SEC24A: variants seen among roughly 807,000 people sequenced by gnomAD.
SEC24A encodes protein transport protein Sec24A.
SEC24A carries 93 observed loss-of-function variants against 129.4 expected under a neutral mutation model. The observed-to-expected ratio is 0.72, with a 90% CI of 0.61 to 0.85. The LOEUF is 0.85. SEC24A is among the 40% of genes least tolerant of loss of function. The pLI is 0.00. For missense variants in SEC24A, 1,264 were observed against 1,307.4 expected (o/e 0.97, Z 0.51); for synonymous variants, 460 against 467.3 (o/e 0.98, Z 0.20).
chr5:134,693,830 C>G lies in SEC24A; in HGVS notation c.1883C>G (p.Ser628Cys), dbSNP rs1751737875. Residue 628 changes from serine (S) to cysteine (C), a missense_variant, in exon 13 of 23, where the codon TCT becomes TGT. Ser to Cys is a moderately radical substitution (Grantham distance 112). Transcript: ENST00000398844. The stretch of plus-strand genomic sequence containing the variant: ...CTGCAGGCTGCCTTTAAGCTGATGT[C>G]TCCAACTGGTGGTCGAATGTCTGTC... ...PALQAAFKLM[S>C]PTGGRMSVFQ... is the part of the protein sequence containing the mutation. 2 of 1,614,018 alleles carry G rather than the reference C, an allele frequency of 1.2e-6. No individual in the cohort carries two copies. The highest frequency in any genetic ancestry group is 1.7e-5 in the Admixed American group (1 of 59,980).
At chr5:134,658,212 A>G (rs1750317176) in intron 1 of SEC24A, among the ~76,000 whole-genome samples, 1 of 152,186 alleles carries the variant, frequency 6.6e-6, no homozygotes, top group Non-Finnish European at 1.5e-5. Context: ...CGGAGGTTGC[A>G]GTGAGCCGAG....
In SEC24A at chr5:134,661,513, T is replaced by TA; in HGVS notation, c.493dup (p.Thr165AsnfsTer20). The TA allele has an allele frequency of 6.2e-7, 1 of 1,614,190 alleles. No homozygotes were observed. Among genetic ancestry groups the TA allele is most frequent in the Non-Finnish European group, 8.5e-7 (1 of 1,180,022 alleles). Reference sequence around the variant, plus strand: ...CATCCCAACCAACTGTATCTGGAAATACAAGTTTAACCACAAATCATCAAT... The same window carrying TA: ...CATCCCAACCAACTGTATCTGGAAATAACAAGTTTAACCACAAATCATCAAT... On this transcript the variant is annotated frameshift_variant, in exon 2 of 23. Transcript: ENST00000398844. LOFTEE classifies it high-confidence loss of function.
chr5:134,668,311 G>A (rs1408205944), intron 3 of SEC24A, among the ~76,000 whole-genome samples: 1 of 152,104 alleles, frequency 6.6e-6, no homozygotes, highest in Admixed American at 6.6e-5. Context: ...TAACAAGGCC[G>A]GGCGTGGTGG....
intron 1 of SEC24A, among the ~76,000 whole-genome samples, chr5:134,660,143 C>G (rs950952649): frequency 6.7e-6 from 1 of 149,504 alleles, no homozygotes; most frequent in Admixed American, 6.8e-5. Context: ...AGGAGGATTA[C>G]TTGAGCTCAG....
chr5:134,674,566 C>T (rs752996113), intron 4 of SEC24A, 49 bp from the exon 5 acceptor site: 19 of 1,514,296 alleles, frequency 1.3e-5, no homozygotes, highest in Non-Finnish European at 1.7e-5. Context: ...ATAAATAAAT[C>T]AAGTATTCTG....
chr5:134,663,332 C>T (rs924985943), intron 2 of SEC24A, among the ~76,000 whole-genome samples: 1 of 152,102 alleles, frequency 6.6e-6, no homozygotes, highest in African/African-American at 2.4e-5. Flanking sequence ...ACATAGCTTG[C>T]TGTAACTGCT....
intron 2 of SEC24A, among the ~76,000 whole-genome samples, chr5:134,665,703 C>A (rs1258872375): frequency 6.6e-6 from 1 of 151,776 alleles, no homozygotes; most frequent in African/African-American, 2.4e-5. Context: ...ATTACAGGTG[C>A]CCACCACCAC....
intron 11 of SEC24A, among the ~76,000 whole-genome samples, 168 bp downstream of exon 11, chr5:134,688,467 G>A (rs1003621558): frequency 6.6e-6 from 1 of 152,116 alleles, no homozygotes; most frequent in Admixed American, 6.6e-5. Flanking sequence ...TCATTTTATG[G>A]AGGAGGAAAT....
rs1165883326 is a variant in SEC24A, at chr5:134,693,836, C to T, written c.1889C>T (p.Thr630Ile). 1.2e-6 allele frequency: 2 copies of T among 1,614,154 alleles called. No homozygotes were observed. Among genetic ancestry groups the T allele is most frequent in the Non-Finnish European group, 1.7e-6 (2 of 1,180,040 alleles). Residue 630 changes from threonine (T) to isoleucine (I), a missense_variant, in exon 13 of 23, where the codon ACT becomes ATT. Thr to Ile is a moderately conservative substitution (Grantham distance 89). Transcript: ENST00000398844. Reference protein sequence around the residue: ...LQAAFKLMSPTGGRMSVFQTQ... With the variant: ...LQAAFKLMSPIGGRMSVFQTQ... ...GCTGCCTTTAAGCTGATGTCTCCAA[C>T]TGGTGGTCGAATGTCTGTCTTTCAA...
rs754003857 is a variant in SEC24A at position 134,708,868 on chromosome 5, G to A, written c.2707G>A (p.Val903Met). 6.3e-5 allele frequency: 102 copies of A among 1,613,514 alleles called. No individual in the cohort carries two copies. The highest frequency in any genetic ancestry group is 1.5e-4 in the South Asian group (14 of 91,020). The change falls in exon 18 of 23, where the codon GTG becomes ATG. Residue 903 changes from valine to methionine, a missense_variant. Val to Met is a conservative substitution (Grantham distance 21). Coordinates refer to ENST00000398844, the MANE Select transcript of SEC24A (RefSeq NM_021982.3). ...TTCTTTGCGGCTTTTCCCACTTTTT[G>A]TGTTGGCTCTCCTTAAACAGGTAAG... ...PFSLRLFPLF[V>M]LALLKQKSFQ... is the part of the protein sequence containing the mutation.
chr5:134,678,549 C>T (rs1265594247), intron 7 of SEC24A, among the ~76,000 whole-genome samples: 2 of 151,170 alleles, frequency 1.3e-5, no homozygotes, highest in African/African-American at 4.9e-5. Flanking sequence ...CCTGCTTTGG[C>T]CTTCCAAAGC....
chr5:134,715,044 A>G lies in SEC24A; in HGVS notation c.2748A>G (p.Thr916=), dbSNP rs770035857. 1.9e-6 allele frequency: 3 copies of G among 1,613,112 alleles called. No homozygotes were observed. Among genetic ancestry groups the G allele is most frequent in the Middle Eastern group, 3.3e-4 (2 of 6,056 alleles). Residue 916 remains threonine (T), a synonymous_variant, in exon 19 of 23, where the codon ACA becomes ACG. Coordinates refer to ENST00000398844, the MANE Select transcript of SEC24A (RefSeq NM_021982.3). ...LLKQKSFQTG[T]NARLDERIFA... is the part of the protein sequence containing the mutation. ...TACAGAAATCATTCCAGACTGGGAC[A>G]AATGCACGTCTAGATGAACGCATTT... is the stretch of plus-strand genomic sequence containing the variant.
chr5:134,715,303 G>C, intron 19 of SEC24A, 142 bp downstream of exon 19: 1 of 751,214 alleles, frequency 1.3e-6, no homozygotes, highest in South Asian at 2.2e-5. Flanking sequence ...CTAAGTCTGA[G>C]TAAATAAATT....
intron 2 of SEC24A, among the ~76,000 whole-genome samples, chr5:134,662,311 C>T (rs1024320089): frequency 7.2e-5 from 11 of 151,938 alleles, no homozygotes; most frequent in African/African-American, 1.5e-4. Context: ...CCCGCCACCA[C>T]GCCCGGCTAA....
Position 134,717,945 on chromosome 5 carries a change from T to C in SEC24A, c.2866-124T>C, listed in dbSNP as rs141149622. 60 of 630,140 alleles carry C rather than the reference T, an allele frequency of 9.5e-5. No individual in the cohort carries two copies. In the African/African-American group the frequency reaches 1.1e-3, roughly 11 times the overall value. The allele number at this position is 630,140 out of a possible 1,614,324, so 39.0% of individuals were successfully genotyped here. A position where few individuals can be genotyped will look rare whatever the true frequency, so the allele number is the denominator to read the frequency against. ...AAATAAATAAATAAATAAGAATAAT[T>C]GTGATTTACCTAAGCAAGGCCCAGA... On this transcript the variant is annotated intron_variant, in intron 19 of 22. Coordinates refer to ENST00000398844, the MANE Select transcript of SEC24A (RefSeq NM_021982.3).
At chr5:134,714,021 G>A (rs1021971988) in intron 18 of SEC24A, among the ~76,000 whole-genome samples, 3 of 151,354 alleles carry the variant, frequency 2.0e-5, no homozygotes, top group African/African-American at 4.9e-5. Flanking sequence ...CAGCCTTGGC[G>A]ACAGAGGGAG....
chr5:134,692,711 T>A, intron 12 of SEC24A, 54 bp downstream of exon 12: 1 of 1,047,500 alleles, frequency 9.5e-7, no homozygotes, highest in Non-Finnish European at 1.5e-6. Flanking sequence ...AAGGAATATG[T>A]TTTTGAAATG....
intron 1 of SEC24A, among the ~76,000 whole-genome samples, chr5:134,659,858 G>A (rs571754467): frequency 1.3e-5 from 2 of 151,964 alleles, no homozygotes; most frequent in South Asian, 2.1e-4. Context: ...TTACTATTAT[G>A]TCCAGGCTGG....
At chr5:134,721,771 C>T (rs996211358) in intron 21 of SEC24A, among the ~76,000 whole-genome samples, 1 of 151,964 alleles carries the variant, frequency 6.6e-6, no homozygotes, top group African/African-American at 2.4e-5. Flanking sequence ...ACTTACGAGG[C>T]TGAAATGGGA....
Sources: allele counts gnomAD v4.1 joint callset (sites outside exome capture counted in the v4.1 genomes callset), GRCh38; gene constraint gnomAD v4.1.1; transcripts MANE v1.5; gene names NCBI Gene and HGNC (gene_info 2026-07-23, HGNC 2026-07-21).